The following GLMN variants were observed in gnomAD, a reference collection of about 807,000 sequenced individuals.
The protein encoded by GLMN is glomulin, FKBP associated protein, also known as glomulin.
A neutral mutation model predicts 87.8 loss-of-function variants in GLMN; 75 were observed. The observed-to-expected ratio is 0.85, with a 90% CI of 0.71 to 1.04. The LOEUF is 1.04. GLMN is among the 50% of genes least tolerant of loss of function. The pLI, the probability that GLMN is intolerant of heterozygous loss-of-function variation, is 0.00. For missense variants in GLMN, 588 were observed against 658.8 expected (o/e 0.89, Z 1.18); for synonymous variants, 206 against 221.6 (o/e 0.93, Z 0.63).
chr1:92,323,429 C>T, the GLMN span: 2 of 1,494,264 alleles, frequency 1.3e-6, no homozygotes, highest in Non-Finnish European at 9.0e-7. Context: ...TATTTTATTT[C>T]TCTTTCATTC....
At chr1:92,332,226 C>G in the GLMN span, among the ~76,000 whole-genome samples, 1 of 151,884 alleles carries the variant, frequency 6.6e-6, no homozygotes, top group African/African-American at 2.4e-5. Flanking sequence ...AGCATTCTCT[C>G]TTCAGCCATT....
rs542489267 is a variant in GLMN, at chr1:92,276,460, G to A, written c.736-4808C>T. On this transcript the variant is annotated intron_variant, in intron 7 of 18. Coordinates refer to ENST00000370360, the MANE Select transcript of GLMN (RefSeq NM_053274.3). ...CCAGATCGCTTGAGCCCAGGAGTTC[G>A]AGACCAGCCTGGGTAACATGGTGAA... Among the ~76,000 whole-genome samples the A allele has an allele frequency of 4.3e-4, 65 of 152,100 alleles. No individual in the cohort carries two copies. The South Asian group carries it at 5.0e-3, about 12-fold the overall frequency.
intron 6 of GLMN, among the ~76,000 whole-genome samples, chr1:92,287,076 G>C (rs965067893): frequency 6.6e-6 from 1 of 152,176 alleles, no homozygotes; most frequent in African/African-American, 2.4e-5. Context: ...TAGTAATGGG[G>C]AGAACATGAG....
At chr1:92,368,589 TA>T in the GLMN span, among the ~76,000 whole-genome samples, 2 of 152,218 alleles carry the variant, frequency 1.3e-5, no homozygotes, top group African/African-American at 4.8e-5. Flanking sequence ...TGTACAGCTC[TA>T]AATCCTTGGA....
chr1:92,307,230 G>A, the GLMN span: 1 of 1,612,692 alleles, frequency 6.2e-7, no homozygotes, highest in Non-Finnish European at 8.5e-7. Context: ...TAAGTTTTTT[G>A]AAGCACAAAT....
intron 6 of GLMN, 114 bp downstream of exon 6, chr1:92,288,800 T>G (rs1649072126): frequency 1.4e-6 from 1 of 716,700 alleles, no homozygotes; most frequent in Admixed American, 2.1e-5. Flanking sequence ...CTTCTAAAAT[T>G]CAAAATCTGA....
Position 92,297,439 on chromosome 1 carries a change from G to A in GLMN, c.130C>T (p.Gln44Ter). 3.1e-6 allele frequency: 5 copies of A among 1,609,732 alleles called. No individual in the cohort carries two copies. The highest frequency in any genetic ancestry group is 4.2e-6 in the Non-Finnish European group (5 of 1,177,214). The change falls in exon 3 of 19, where the codon CAG becomes TAG. Residue 44 changes from glutamine to a stop codon, truncating the protein, a stop_gained. Coordinates refer to ENST00000370360, the MANE Select transcript of GLMN (RefSeq NM_053274.3). LOFTEE classifies it high-confidence loss of function. ...QRCIEEGHTDQLLEIIQNEKN... is the reference protein window; with the variant it reads ...QRCIEEGHTD ...TCATTTTGAATAATTTCTAATAGCTGGTCTGTGTGCCCTTCTTCTATGCAT... is the reference window on the plus strand; with the variant it reads ...TCATTTTGAATAATTTCTAATAGCTAGTCTGTGTGCCCTTCTTCTATGCAT...
chr1:92,268,189 A>G, intron 9 of GLMN, 54 bp from the exon 10 acceptor site: 1 of 938,150 alleles, frequency 1.1e-6, no homozygotes, highest in Non-Finnish European at 1.7e-6. Flanking sequence ...TTAGAATGAT[A>G]CTTCATCTTA....
chr1:92,352,885 T>C, the GLMN span, among the ~76,000 whole-genome samples: 3 of 152,194 alleles, frequency 2.0e-5, no homozygotes, highest in African/African-American at 7.2e-5. Flanking sequence ...CTGGCAACCA[T>C]AAATCCATTC....
intron 16 of GLMN, among the ~76,000 whole-genome samples, chr1:92,249,358 T>G (rs1026567010): frequency 1.3e-5 from 2 of 151,882 alleles, no homozygotes; most frequent in African/African-American, 4.8e-5. Context: ...GAAAGTTTTC[T>G]TAACCTCTAA....
chr1:92,249,434 A>C (rs1382378116), intron 16 of GLMN, among the ~76,000 whole-genome samples: 2 of 152,080 alleles, frequency 1.3e-5, no homozygotes, highest in African/African-American at 4.8e-5. Context: ...TATAACAAGC[A>C]TATTACTCTT....
At chr1:92,297,647 T>C (rs897824935) in intron 2 of GLMN, 118 bp from the exon 3 acceptor site, 1 of 911,774 alleles carries the variant, frequency 1.1e-6, no homozygotes, top group Admixed American at 2.4e-5. Flanking sequence ...AAATTCTAGA[T>C]AAATGTAACG....
chr1:92,248,027 A>G lies in GLMN; in HGVS notation c.1474-38T>C, dbSNP rs987341101. The G allele has an allele frequency of 6.0e-6, 5 of 835,352 alleles. No individual in the cohort carries two copies. The African/African-American group carries it at 6.6e-5, about 11-fold the overall frequency. 51.7% of individuals were successfully genotyped at this position (835,352 alleles called of 1,614,324 possible). On this transcript the variant is annotated intron_variant, in intron 16 of 18. Coordinates refer to ENST00000370360, the MANE Select transcript of GLMN (RefSeq NM_053274.3). ...AAAGAATGAGTTATTTAGTTCAACA[A>G]TGATTGATTGCCTACTATTAAACGC...
chr1:92,308,333 T>G, the GLMN span, among the ~76,000 whole-genome samples: 1 of 152,096 alleles, frequency 6.6e-6, no homozygotes, highest in African/African-American at 2.4e-5. Flanking sequence ...GTTGGGAAAA[T>G]AAAAGACTCT....
At chr1:92,307,180 C>A in the GLMN span, 2 of 1,595,750 alleles carry the variant, frequency 1.3e-6, no homozygotes, top group East Asian at 2.2e-5. Context: ...TTATAATGTT[C>A]TTTTCAGTCT....
the GLMN span, among the ~76,000 whole-genome samples, chr1:92,359,794 GA>G: frequency 6.6e-6 from 1 of 152,196 alleles, no homozygotes; most frequent in Non-Finnish European, 1.5e-5. Context: ...TGGGATGGAT[GA>G]AATGGCAAGA....
chr1:92,336,954 CTG>C, the GLMN span, among the ~76,000 whole-genome samples: 1 of 152,054 alleles, frequency 6.6e-6, no homozygotes, highest in Non-Finnish European at 1.5e-5. Context: ...GTGAGTGAAA[CTG>C]TTGTGATTTT....
chr1:92,258,495 A>T (rs1654558904), intron 16 of GLMN, among the ~76,000 whole-genome samples: 1 of 152,238 alleles, frequency 6.6e-6, no homozygotes. Flanking sequence ...AAAGACTTGG[A>T]ACCAACCCAA....
the GLMN span, among the ~76,000 whole-genome samples, chr1:92,310,306 C>T: frequency 6.6e-6 from 1 of 152,150 alleles, no homozygotes; most frequent in African/African-American, 2.4e-5. Context: ...TTTTTTCAGA[C>T]ATCTTTTTAC....
Sources: allele counts gnomAD v4.1 joint callset (sites outside exome capture counted in the v4.1 genomes callset), GRCh38; gene constraint gnomAD v4.1.1; transcripts MANE v1.5; gene names NCBI Gene and HGNC (gene_info 2026-07-23, HGNC 2026-07-21).